FBXO24: variants seen among roughly 807,000 people sequenced by gnomAD.
The protein encoded by FBXO24 is F-box protein 24, also known as F-box only protein 24.
A neutral mutation model predicts 63.5 loss-of-function variants in FBXO24; 30 were observed. The observed-to-expected ratio is 0.47, with a 90% CI of 0.35 to 0.64. The LOEUF is 0.64. Among genes scored for constraint, FBXO24 ranks in the 30% least tolerant of loss-of-function variants. The pLI is 0.00. For synonymous variants in FBXO24, 300 were observed against 305.0 expected (o/e 0.98, Z 0.17); for missense variants, 624 against 763.4 (o/e 0.82, Z 2.15).
At chr7:100,596,860 T>C (rs932030079) in intron 8 of FBXO24, among the ~76,000 whole-genome samples, 1 of 151,986 alleles carries the variant, frequency 6.6e-6, no homozygotes, top group Non-Finnish European at 1.5e-5. Context: ...CTGGACAACA[T>C]GGTGAAACCC....
Position 100,592,770 on chromosome 7 carries a change from T to G in FBXO24, c.559-13T>G, listed in dbSNP as rs1172555703. 6.2e-7 allele frequency: 1 copy of G among 1,610,500 alleles called. No homozygotes were observed. Among genetic ancestry groups the G allele is most frequent in the East Asian group, 2.2e-5 (1 of 44,834 alleles). On this transcript the variant is annotated splice_polypyrimidine_tract_variant and intron_variant, in intron 4 of 9. Transcript: ENST00000241071. The stretch of plus-strand genomic sequence containing the variant: ...AAACTCTAGATCCCAGACGCCCTCA[T>G]CTTTTCCCCCAGTTTGCCTCGGACC...
chr7:100,591,281 G>A (rs748693164), intron 3 of FBXO24, among the ~76,000 whole-genome samples: 1 of 151,894 alleles, frequency 6.6e-6, no homozygotes, highest in Non-Finnish European at 1.5e-5. Context: ...CCAAAGTGCT[G>A]GGATTACAGG....
rs376919780 is a variant in FBXO24, at chr7:100,598,061, C to T, written c.1207-1970C>T. Among the ~76,000 whole-genome samples the T allele has an allele frequency of 7.2e-5, 11 of 151,974 alleles. No homozygotes were observed. The South Asian group carries it at 2.1e-3, about 29-fold the overall frequency. The stretch of plus-strand genomic sequence containing the variant: ...TTTGTTTAAAAATACACAACTTGCC[C>T]ATCATGGTGGCTGACATCTGTAATC... On this transcript the variant is annotated intron_variant, in intron 8 of 9. Coordinates refer to ENST00000241071, the MANE Select transcript of FBXO24 (RefSeq NM_033506.3).
Position 100,589,779 on chromosome 7 carries a change from G to A in FBXO24, c.40-198G>A. ...AAAATTCACCAGGCTGTGTGGACGGGAGGAGGGGCTCCGGGTGAGGGGGAT... is the reference window on the plus strand; with the variant it reads ...AAAATTCACCAGGCTGTGTGGACGGAAGGAGGGGCTCCGGGTGAGGGGGAT... On this transcript the variant is annotated intron_variant, in intron 1 of 9. Transcript: ENST00000241071. 2.0e-6 allele frequency: 3 copies of A among 1,533,920 alleles called. No homozygotes were observed. In the South Asian group the frequency reaches 3.7e-5, roughly 19 times the overall value.
Position 100,600,384 on chromosome 7 carries a change from C to G in FBXO24, c.1378-150C>G. The G allele has an allele frequency of 6.9e-7, 1 of 1,442,622 alleles. No individual in the cohort carries two copies. Among genetic ancestry groups the G allele is most frequent in the Non-Finnish European group, 9.3e-7 (1 of 1,072,912 alleles). The allele number at this position is 1,442,622 out of a possible 1,614,324, so 89.4% of individuals were successfully genotyped here. A position where few individuals can be genotyped will look rare whatever the true frequency, so the allele number is the denominator to read the frequency against. On this transcript the variant is annotated intron_variant, in intron 9 of 9. Transcript: ENST00000241071. This position sits in a 1 kb window ranked among gnomAD's most constrained non-coding sequence, Gnocchi z 6.3. ...TTTCTCCCTTAGCAGACTGTGCTGG[C>G]CTTGCCCAACCTCACACACCCCTGG...
chr7:100,591,758 C>T lies in FBXO24; in HGVS notation c.414C>T (p.Arg138=), dbSNP rs756506093. Residue 138 remains arginine (R), a synonymous_variant, in exon 4 of 10, where the codon CGC becomes CGT. Transcript: ENST00000241071. ...VAPLLAHGYR[R]FLPTKDHVFI... ...CCTTGCTAGCCCACGGCTACCGCCGCTTCTTGCCCACCAAGGATCACGTCT... is the reference window on the plus strand; with the variant it reads ...CCTTGCTAGCCCACGGCTACCGCCGTTTCTTGCCCACCAAGGATCACGTCT... 1.2e-6 allele frequency: 2 copies of T among 1,614,280 alleles called. No individual in the cohort carries two copies. The highest frequency in any genetic ancestry group is 1.1e-5 in the South Asian group (1 of 91,092).
intron 5 of FBXO24, among the ~76,000 whole-genome samples, chr7:100,593,362 C>T (rs1041543753): frequency 4.0e-5 from 6 of 151,708 alleles, no homozygotes; most frequent in South Asian, 2.1e-4. Context: ...TCGGGTGCGG[C>T]GGCTCACACC....
intron 8 of FBXO24, among the ~76,000 whole-genome samples, chr7:100,598,128 C>T (rs1187818017): frequency 1.3e-5 from 2 of 151,888 alleles, no homozygotes; most frequent in Non-Finnish European, 1.5e-5. Context: ...TGCTTGAGGC[C>T]AGGAGTTGAA....
Position 100,591,564 on chromosome 7 carries a change from G to A in FBXO24, c.323-103G>A, listed in dbSNP as rs1802028169. ...TTTGTTCCCCTGTCCTGGGGATGGG[G>A]AGGAACTACAAACCAGCGTGTCTAA... On this transcript the variant is annotated intron_variant, in intron 3 of 9. Transcript: ENST00000241071. 3 of 1,001,884 alleles carry A rather than the reference G, an allele frequency of 3.0e-6. No individual in the cohort carries two copies. The Admixed American group carries it at 6.0e-5, about 20-fold the overall frequency. 62.1% of individuals were successfully genotyped at this position (1,001,884 alleles called of 1,614,324 possible).
chr7:100,593,208 G>T (rs1802117512), intron 5 of FBXO24, 191 bp downstream of exon 5: 3 of 550,918 alleles, frequency 5.4e-6, no homozygotes, highest in Non-Finnish European at 9.7e-6. Context: ...TGAATAAAAG[G>T]CCCTGTCCAG....
rs1802048643 is a variant in FBXO24 at position 100,591,861 on chromosome 7, C to T, written c.517C>T (p.Arg173Trp). The change falls in exon 4 of 10, where the codon CGG becomes TGG. Residue 173 changes from arginine (R) to tryptophan (W), a missense_variant. Arg to Trp is a moderately radical substitution (Grantham distance 101). This residue lies in a region of FBXO24 where 391 missense variants were observed against 469.1 expected (regional missense o/e 0.83). Transcript: ENST00000241071. ...CACCCTCGGCCAGATGCAGTGGAAG[C>T]GGGCCTGTCGCTATGTTGTGTTGTG... ...VSTLGQMQWKRACRYVVLCRG... is the reference protein window; with the variant it reads ...VSTLGQMQWKWACRYVVLCRG... The T allele has an allele frequency of 1.2e-6, 2 of 1,614,216 alleles. No homozygotes were observed. Among genetic ancestry groups the T allele is most frequent in the Non-Finnish European group, 8.5e-7 (1 of 1,180,040 alleles).
At chr7:100,590,726 A>G (rs1243740291) in intron 3 of FBXO24, among the ~76,000 whole-genome samples, 1 of 152,186 alleles carries the variant, frequency 6.6e-6, no homozygotes, top group Non-Finnish European at 1.5e-5. Flanking sequence ...TGTCCTCTGC[A>G]TGGTGGGATG....
In FBXO24 at chr7:100,600,349, C is replaced by G. The variant is rs1374940368; in HGVS notation, c.1377+148C>G. 3 of 1,368,282 alleles carry G rather than the reference C, an allele frequency of 2.2e-6. No homozygotes were observed. Among genetic ancestry groups the G allele is most frequent in the Non-Finnish European group, 2.0e-6 (2 of 1,019,488 alleles). 84.8% of individuals were successfully genotyped at this position (1,368,282 alleles called of 1,614,324 possible). On this transcript the variant is annotated intron_variant, in intron 9 of 9. Coordinates refer to ENST00000241071, the MANE Select transcript of FBXO24 (RefSeq NM_033506.3). This position sits in a 1 kb window ranked among gnomAD's most constrained non-coding sequence, Gnocchi z 6.3. ...CACCTCCCTCCTCTGCCGCACACCA[C>G]GCTCTCTGCTTTCTCCCTTAGCAGA...
chr7:100,589,761 A>T (rs367852616), intron 1 of FBXO24: 189 of 1,544,534 alleles, frequency 1.2e-4, no homozygotes, highest in Non-Finnish European at 1.6e-4. Context: ...GCAAAAATTC[A>T]CCAGGCTGTG....
chr7:100,586,452 C>A lies in FBXO24; in HGVS notation c.-174C>A. 3 of 697,266 alleles carry A rather than the reference C, an allele frequency of 4.3e-6. No homozygotes were observed. Among genetic ancestry groups the A allele is most frequent in the South Asian group, 1.7e-5 (1 of 58,470 alleles). 43.2% of individuals were successfully genotyped at this position (697,266 alleles called of 1,614,324 possible). On this transcript the variant is annotated 5_prime_UTR_variant, in exon 1 of 10. Transcript: ENST00000241071. The stretch of plus-strand genomic sequence containing the variant: ...CCAAGAGGAGGGGACACCGGCACTC[C>A]ACTAGCAGGAAAACGGGCCGAGGGA...
rs1303761320 is a variant in FBXO24, at chr7:100,600,048, GC to G, written c.1227del (p.Ile410SerfsTer13). ...EPTQVCYLQR[P>X]ITLWCGLNHS... ...GTCCCCAGGTTTGTTACCTGCAGCG[GC>G]CCATCACCCTGTGGTGCGGCCTCAA... On this transcript the variant is annotated frameshift_variant, in exon 9 of 10. Coordinates refer to ENST00000241071, the MANE Select transcript of FBXO24 (RefSeq NM_033506.3). LOFTEE classifies it high-confidence loss of function. The surrounding 1 kb of genome is among the most constrained non-coding windows in gnomAD (Gnocchi z 6.3). 1.9e-6 allele frequency: 3 copies of G among 1,610,484 alleles called. No individual in the cohort carries two copies. The African/African-American group carries it at 4.0e-5, about 22-fold the overall frequency.
rs1278338625 is a variant in FBXO24 at position 100,600,038 on chromosome 7, AC to A, written c.1216del (p.Leu406CysfsTer17). The stretch of plus-strand genomic sequence containing the variant: ...CTGGCCGTGTGTCCCCAGGTTTGTT[AC>A]CTGCAGCGGCCCATCACCCTGTGGT... ...MDRGEPTQVC[Y>X]LQRPITLWCG... On this transcript the variant is annotated frameshift_variant, in exon 9 of 10. Transcript: ENST00000241071. LOFTEE classifies it high-confidence loss of function. This position sits in a 1 kb window ranked among gnomAD's most constrained non-coding sequence, Gnocchi z 6.3. The A allele has an allele frequency of 1.3e-6, 2 of 1,491,160 alleles. No individual in the cohort carries two copies. The highest frequency in any genetic ancestry group is 1.8e-6 in the Non-Finnish European group (2 of 1,106,372). The allele number at this position is 1,491,160 out of a possible 1,614,324, so 92.4% of individuals were successfully genotyped here.
At chr7:100,593,510 C>T (rs13247004) in intron 5 of FBXO24, among the ~76,000 whole-genome samples, 1 of 151,732 alleles carries the variant, frequency 6.6e-6, no homozygotes, top group Non-Finnish European at 1.5e-5. Flanking sequence ...TGCCTGTAGT[C>T]TAAGCTACCT....
rs752085102 is a variant in FBXO24, at chr7:100,591,674, G to A, written c.330G>A (p.Lys110=). ...TCTCCTTCCTTCCTCCAGACACGAAGGGCCTGTATTTCCAGGCATTTGGAG... is the reference window on the plus strand; with the variant it reads ...TCTCCTTCCTTCCTCCAGACACGAAAGGCCTGTATTTCCAGGCATTTGGAG... ...WKRAAILNYT[K]GLYFQAFGGR... is the part of the protein sequence containing the mutation. Residue 110 remains lysine, a synonymous_variant, in exon 4 of 10, where the codon AAG becomes AAA. Transcript: ENST00000241071. 4 of 1,614,024 alleles carry A rather than the reference G, an allele frequency of 2.5e-6. No homozygotes were observed. The African/African-American group carries it at 5.3e-5, about 22-fold the overall frequency.
Sources: allele counts gnomAD v4.1 joint callset (sites outside exome capture counted in the v4.1 genomes callset), GRCh38; gene constraint gnomAD v4.1.1; regional missense constraint gnomAD v4.1.1; non-coding constraint Gnocchi (gnomAD v3.1); transcripts MANE v1.5; gene names NCBI Gene and HGNC (gene_info 2026-07-23, HGNC 2026-07-21).